The following EDC3 variants were observed in gnomAD, a reference collection of about 807,000 sequenced individuals.
EDC3 encodes enhancer of mRNA decapping 3, also known as enhancer of mRNA-decapping protein 3.
In EDC3, 20 loss-of-function variants were observed where a neutral mutation model predicts 41.8. That is an observed-to-expected ratio of 0.48 (90% CI 0.34 to 0.70). EDC3 has a LOEUF of 0.70. EDC3 is among the 30% of genes least tolerant of loss of function. The probability of loss-of-function intolerance (pLI) is 0.01; values close to 1 mark genes in which losing one functional copy is unlikely to be tolerated. For synonymous variants in EDC3, 206 were observed against 243.2 expected (o/e 0.85, Z 1.42); for missense variants, 444 against 636.8 (o/e 0.70, Z 3.26).
chr15:74,634,487 T>C (rs920929144), intron 6 of EDC3, among the ~76,000 whole-genome samples: 10 of 152,194 alleles, frequency 6.6e-5, no homozygotes, highest in African/African-American at 1.9e-4. Context: ...TTCAGATTCA[T>C]ATAACTCGTT....
Position 74,632,410 on chromosome 15 carries a change from AC to A in EDC3, c.*201del. ...GGAGTTGCTGCACGCTCAGCCTGCC[AC>A]CCAGCCCGGAACCCAGTGGGAAAGA... On this transcript the variant is annotated 3_prime_UTR_variant, in exon 7 of 7. Coordinates refer to ENST00000315127, the MANE Select transcript of EDC3 (RefSeq NM_025083.5). This position sits in a 1 kb window ranked among gnomAD's most constrained non-coding sequence, Gnocchi z 4.0. 1.5e-6 allele frequency: 1 copy of A among 651,716 alleles called. No individual in the cohort carries two copies. Among genetic ancestry groups the A allele is most frequent in the Non-Finnish European group, 2.6e-6 (1 of 387,350 alleles). 40.4% of individuals were successfully genotyped at this position (651,716 alleles called of 1,614,324 possible). A position where few individuals can be genotyped will look rare whatever the true frequency, so the allele number is the denominator to read the frequency against.
In EDC3 at chr15:74,632,957, A is replaced by G. The variant is rs1238855544; in HGVS notation, c.1193-11T>C. On this transcript the variant is annotated splice_polypyrimidine_tract_variant and intron_variant, in intron 6 of 6. Coordinates refer to ENST00000315127, the MANE Select transcript of EDC3 (RefSeq NM_025083.5). The surrounding 1 kb of genome is among the most constrained non-coding windows in gnomAD (Gnocchi z 4.0). ...GGCTAGTGGGCAGATCTGCAGGTGG[A>G]AAGAGTGCCATCTGAAAGTCCCTAT... 1.9e-6 allele frequency: 3 copies of G among 1,611,400 alleles called. No homozygotes were observed. The highest frequency in any genetic ancestry group is 2.2e-5 in the East Asian group (1 of 44,806).
At chr15:74,649,497 C>T (rs2062456332) in intron 4 of EDC3, among the ~76,000 whole-genome samples, 1 of 152,000 alleles carries the variant, frequency 6.6e-6, no homozygotes, top group African/African-American at 2.4e-5. Context: ...TATGACTTAC[C>T]CAGAGTATTT....
At chr15:74,665,546 G>C (rs976567808) in intron 3 of EDC3, among the ~76,000 whole-genome samples, 1 of 152,114 alleles carries the variant, frequency 6.6e-6, no homozygotes, top group East Asian at 1.9e-4. Flanking sequence ...AACAAGGCTT[G>C]GTTTCCCTCT....
At chr15:74,650,577 T>C (rs1359727241) in intron 4 of EDC3, among the ~76,000 whole-genome samples, 1 of 152,210 alleles carries the variant, frequency 6.6e-6, no homozygotes, top group Non-Finnish European at 1.5e-5. Flanking sequence ...ATGGAATCTT[T>C]CCATCTCCTA....
intron 1 of EDC3, among the ~76,000 whole-genome samples, chr15:74,690,485 A>G (rs2062995049): frequency 6.6e-6 from 1 of 152,236 alleles, no homozygotes; most frequent in African/African-American, 2.4e-5. Context: ...ACATCAGACA[A>G]CTCACAGCAT....
intron 3 of EDC3, among the ~76,000 whole-genome samples, chr15:74,669,849 T>C (rs1050178234): frequency 6.6e-6 from 1 of 152,082 alleles, no homozygotes; most frequent in Non-Finnish European, 1.5e-5. Context: ...AAAATTTCTT[T>C]TGGTTGTTCA....
intron 4 of EDC3, chr15:74,644,842 A>G (rs2062394789): frequency 6.6e-6 from 1 of 152,096 alleles, no homozygotes; most frequent in South Asian, 2.1e-4. Context: ...GGGAAAAATT[A>G]TCTTTACGAG....
chr15:74,690,309 A>G (rs2062991722), intron 1 of EDC3, among the ~76,000 whole-genome samples: 1 of 152,254 alleles, frequency 6.6e-6, no homozygotes, highest in South Asian at 2.1e-4. Flanking sequence ...AATGCCAGAT[A>G]AGTAATGGGA....
intron 1 of EDC3, among the ~76,000 whole-genome samples, chr15:74,686,141 A>G (rs4886603): frequency 1 from 151,976 of 152,020 alleles, 75,966 homozygotes; most frequent in Middle Eastern, 1. Flanking sequence ...CCTGACCAAC[A>G]AGGTGAAACC....
chr15:74,631,084 TC>T lies in EDC3; in HGVS notation c.*1527del, dbSNP rs1205830059. On this transcript the variant is annotated 3_prime_UTR_variant, in exon 7 of 7. Coordinates refer to ENST00000315127, the MANE Select transcript of EDC3 (RefSeq NM_025083.5). Reference sequence around the variant, plus strand: ...ACAAGGGTTACAGTCCCTGGCCTCTTCCCATCGCTGGAGACAATTTAAGACT... The same window carrying T: ...ACAAGGGTTACAGTCCCTGGCCTCTTCCATCGCTGGAGACAATTTAAGACT... The T allele has an allele frequency of 1.3e-5, 2 of 152,258 alleles. No homozygotes were observed. The highest frequency in any genetic ancestry group is 2.4e-5 in the African/African-American group (1 of 41,442). 9.4% of individuals were successfully genotyped at this position (152,258 alleles called of 1,614,324 possible).
intron 3 of EDC3, among the ~76,000 whole-genome samples, chr15:74,659,511 T>TATATATATATATATAG (rs1346060455): frequency 3.1e-4 from 40 of 127,078 alleles, no homozygotes; most frequent in African/African-American, 1.1e-3. Flanking sequence ...TATATATATA[T>TATATATATATATATAG]AGGCAAATAA....
intron 1 of EDC3, among the ~76,000 whole-genome samples, chr15:74,685,775 A>G (rs2062930437): frequency 6.6e-6 from 1 of 152,222 alleles, no homozygotes; most frequent in African/African-American, 2.4e-5. Context: ...CATGTTAAGC[A>G]CAAAGTGAAA....
chr15:74,675,899 T>C (rs11636736), intron 1 of EDC3, among the ~76,000 whole-genome samples: 60 of 151,114 alleles, frequency 4.0e-4, no homozygotes, highest in Admixed American at 1.4e-3. Context: ...AAAAAAGAAA[T>C]TTTTTTAAAG....
intron 3 of EDC3, among the ~76,000 whole-genome samples, chr15:74,662,781 A>T (rs1312654868): frequency 6.6e-6 from 1 of 152,176 alleles, no homozygotes; most frequent in Non-Finnish European, 1.5e-5. Context: ...TTCAGATAAA[A>T]CCCAAAGCTC....
intron 4 of EDC3, chr15:74,644,517 G>T (rs888469284): frequency 6.6e-6 from 1 of 152,106 alleles, no homozygotes; most frequent in African/African-American, 2.4e-5. Flanking sequence ...GTCAGGGTGT[G>T]GGGGAGGGAT....
At chr15:74,642,004 T>C (rs143475147) in intron 4 of EDC3, 1 of 152,362 alleles carries the variant, frequency 6.6e-6, no homozygotes, top group East Asian at 1.9e-4. Context: ...GAAAAATCTG[T>C]TTTCTTCACT....
chr15:74,690,867 C>A (rs143656894), intron 1 of EDC3, among the ~76,000 whole-genome samples: 8 of 152,106 alleles, frequency 5.3e-5, no homozygotes, highest in African/African-American at 1.9e-4. Flanking sequence ...AAAGGCAGCA[C>A]GGTGAAAAGA....
At chr15:74,694,591 CCA>C (rs1567187581) in intron 1 of EDC3, among the ~76,000 whole-genome samples, 1 of 152,260 alleles carries the variant, frequency 6.6e-6, no homozygotes, top group Non-Finnish European at 1.5e-5. Context: ...CTGGCGTGAG[CCA>C]CAGTGCCCGG....
Sources: gnomAD v4.1 joint callset for allele counts (sites outside exome capture counted in the v4.1 genomes callset) on GRCh38, gnomAD v4.1.1 for gene constraint, Gnocchi (gnomAD v3.1) non-coding constraint, MANE v1.5 for transcripts, NCBI Gene and HGNC (gene_info 2026-07-23, HGNC 2026-07-21) for gene names.